TDRD12: variants seen among roughly 807,000 people sequenced by gnomAD.
TDRD12 encodes tudor domain containing 12.
TDRD12 carries 158 observed loss-of-function variants against 133.5 expected under a neutral mutation model. The ratio of observed to expected loss-of-function variants is 1.18; its 90% CI spans 1.04 to 1.35. The LOEUF is 1.35. Ranked by LOEUF, TDRD12 falls within the 40% of genes most tolerant of loss-of-function variation. The pLI is 0.00. For missense variants in TDRD12, 1,443 were observed against 1,321.3 expected (o/e 1.09, Z -1.43); for synonymous variants, 460 against 477.9 (o/e 0.96, Z 0.49).
At chr19:32,745,936 CTGTG>C (rs1311266775) in intron 4 of TDRD12, among the ~76,000 whole-genome samples, 1 of 100,676 alleles carries the variant, frequency 9.9e-6, no homozygotes, top group Admixed American at 1.1e-4. Context: ...TGTGGTTATT[CTGTG>C]TGTGTGTGTG....
At chr19:32,728,400 G>A (rs983070767) in intron 1 of TDRD12, among the ~76,000 whole-genome samples, 10 of 152,122 alleles carry the variant, frequency 6.6e-5, no homozygotes. Context: ...AATGTGGGAT[G>A]TCTTTCCATT....
chr19:32,814,758 G>C (rs565718974), intron 25 of TDRD12, among the ~76,000 whole-genome samples: 66 of 152,210 alleles, frequency 4.3e-4, no homozygotes, highest in Admixed American at 9.8e-4. Flanking sequence ...ATCTCCACCC[G>C]TTCCTGCCCC....
At chr19:32,791,164 A>G (rs1386418890) in intron 13 of TDRD12, 96 bp downstream of exon 13, 1 of 1,267,502 alleles carries the variant, frequency 7.9e-7, no homozygotes, top group Non-Finnish European at 1.0e-6. Flanking sequence ...GCATTGTATA[A>G]TTTCTTTGCT....
At chr19:32,759,254 G>A (rs534915461) in intron 8 of TDRD12, among the ~76,000 whole-genome samples, 2 of 152,036 alleles carry the variant, frequency 1.3e-5, no homozygotes, top group Non-Finnish European at 2.9e-5. Flanking sequence ...GAACAGGCTC[G>A]GGGCTAGAAG....
rs111923045 is a variant in TDRD12, at chr19:32,788,800, G to C, written c.1122-1731G>C. On this transcript the variant is annotated intron_variant, in intron 11 of 27. Transcript: ENST00000444215. ...TGTGGGCTGTGGGTCTCTCTGGGGAGCGAGCTGCTGTGAGTACAGGGACCT... is the reference window on the plus strand; with the variant it reads ...TGTGGGCTGTGGGTCTCTCTGGGGACCGAGCTGCTGTGAGTACAGGGACCT... 1.8e-4 allele frequency among the ~76,000 whole-genome samples: 27 copies of C among 152,240 alleles called. 1 individual carries two copies. The highest frequency in any genetic ancestry group is 6.5e-4 in the African/African-American group (27 of 41,536).
chr19:32,752,030 C>G (rs1044069980), intron 6 of TDRD12, among the ~76,000 whole-genome samples: 1 of 151,960 alleles, frequency 6.6e-6, no homozygotes. Context: ...AGCATCATCA[C>G]ACGCAGCTAA....
At chr19:32,735,924 GGCACCACT>G (rs1969208893) in intron 2 of TDRD12, among the ~76,000 whole-genome samples, 1 of 152,114 alleles carries the variant, frequency 6.6e-6, no homozygotes, top group Admixed American at 6.5e-5. Context: ...GAGCTGAGAT[GGCACCACT>G]GCACTCCAGC....
In TDRD12 at chr19:32,811,202, C is replaced by T. The variant is rs1568492604; in HGVS notation, c.2838-8C>T. 1.3e-6 allele frequency: 2 copies of T among 1,533,772 alleles called. No individual in the cohort carries two copies. Among genetic ancestry groups the T allele is most frequent in the Admixed American group, 3.9e-5 (2 of 50,958 alleles). ...TCTGCGTTGAACCGATGCCCCATTG[C>T]TCTCCAGGGTTCAGGTGTTGGAAGT... is the stretch of plus-strand genomic sequence containing the variant. On this transcript the variant is annotated splice_polypyrimidine_tract_variant and splice_region_variant and intron_variant, in intron 23 of 27. Transcript: ENST00000444215.
chr19:32,746,830 C>G (rs1384815864), intron 4 of TDRD12, among the ~76,000 whole-genome samples: 1 of 129,124 alleles, frequency 7.7e-6, no homozygotes, highest in African/African-American at 3.0e-5. Flanking sequence ...TGTGGTTATC[C>G]TGTGTGTGTG....
intron 10 of TDRD12, among the ~76,000 whole-genome samples, chr19:32,776,671 AGTT>A (rs1427594455): frequency 1.3e-5 from 2 of 152,162 alleles, no homozygotes; most frequent in South Asian, 2.1e-4. Context: ...CAGAATCTCT[AGTT>A]GTGATCAGCA....
intron 4 of TDRD12, among the ~76,000 whole-genome samples, chr19:32,743,155 T>C (rs1969483153): frequency 6.6e-6 from 1 of 152,244 alleles, no homozygotes; most frequent in African/African-American, 2.4e-5. Flanking sequence ...AAAATATTCA[T>C]AAAACATAGG....
At chr19:32,822,992 C>G (rs769642629), downstream of TDRD12, among the ~76,000 whole-genome samples, 2 of 152,234 alleles carry the variant, frequency 1.3e-5, no homozygotes, top group African/African-American at 2.4e-5. Context: ...TAGACAAAGT[C>G]TCCAACACTC....
intron 1 of TDRD12, among the ~76,000 whole-genome samples, chr19:32,724,209 C>T (rs531511307): frequency 2.0e-5 from 3 of 152,116 alleles, no homozygotes; most frequent in East Asian, 1.9e-4. Flanking sequence ...TATAGTAATA[C>T]GATTGAATTA....
chr19:32,769,717 A>G (rs1599561507), intron 8 of TDRD12, among the ~76,000 whole-genome samples: 1 of 151,226 alleles, frequency 6.6e-6, no homozygotes, highest in Non-Finnish European at 1.5e-5. Context: ...GCTCACCACA[A>G]CCTCCGCCTC....
intron 4 of TDRD12, 25 bp downstream of exon 4, chr19:32,742,925 C>T (rs1468359422): frequency 5.8e-6 from 9 of 1,548,152 alleles, no homozygotes; most frequent in Non-Finnish European, 7.0e-6. Flanking sequence ...TTAAGTCCTT[C>T]GAATCATTAG....
intron 12 of TDRD12, 25 bp from the exon 13 acceptor site, chr19:32,790,939 T>C (rs1318252434): frequency 6.5e-7 from 1 of 1,529,846 alleles, no homozygotes; most frequent in Non-Finnish European, 8.7e-7. Context: ...CAGACACTGG[T>C]TGTCTAATGC....
chr19:32,822,804 G>T (rs1445611182), downstream of TDRD12, among the ~76,000 whole-genome samples: 2 of 152,014 alleles, frequency 1.3e-5, no homozygotes, highest in Non-Finnish European at 2.9e-5. Flanking sequence ...AGAATTCAGT[G>T]AGGGAGAAGG....
chr19:32,777,049 C>A, intron 10 of TDRD12, 100 bp from the exon 11 acceptor site: 1 of 767,460 alleles, frequency 1.3e-6, no homozygotes, highest in Non-Finnish European at 2.1e-6. Flanking sequence ...CCACCATGCC[C>A]GGCATTTTTT....
chr19:32,748,349 C>A, intron 4 of TDRD12, 127 bp from the exon 5 acceptor site: 1 of 909,452 alleles, frequency 1.1e-6, no homozygotes. Flanking sequence ...GTGCCAGGTG[C>A]CCCATCATCT....
Sources: gnomAD v4.1 joint callset for allele counts (sites outside exome capture counted in the v4.1 genomes callset) on GRCh38, gnomAD v4.1.1 for gene constraint, MANE v1.5 for transcripts, NCBI Gene and HGNC (gene_info 2026-07-23, HGNC 2026-07-21) for gene names.